WDTC1: variants seen among roughly 807,000 people sequenced by gnomAD.
The protein encoded by WDTC1 is WD and tetratricopeptide repeats 1.
In WDTC1, 12 loss-of-function variants were observed where a neutral mutation model predicts 76.0. The ratio of observed to expected loss-of-function variants is 0.16; its 90% confidence interval spans 0.10 to 0.26. The LOEUF (loss-of-function observed/expected upper bound fraction) is 0.26. Among genes scored for constraint, WDTC1 ranks in the 10% least tolerant of loss-of-function variants. The pLI, the probability that WDTC1 is intolerant of heterozygous loss-of-function variation, is 1.00. For synonymous variants in WDTC1, 326 were observed against 350.8 expected, an observed-to-expected ratio of 0.93 and a Z score of 0.79; for missense variants, 511 against 908.8, an observed-to-expected ratio of 0.56 and a Z score of 5.63.
At chr1:27,295,926 T>C (rs562312530) in intron 9 of WDTC1, among the ~76,000 whole-genome samples, 21 of 152,166 alleles carry the variant, frequency 1.4e-4, no homozygotes, top group Admixed American at 3.3e-4. Context: ...CCACCACACC[T>C]GGCTAGTTTT....
intron 3 of WDTC1, among the ~76,000 whole-genome samples, chr1:27,277,304 G>T (rs2147953947): frequency 6.6e-6 from 1 of 152,160 alleles, no homozygotes; most frequent in East Asian, 1.9e-4. Flanking sequence ...TAAGAGTTTT[G>T]TAGTTTTAGA....
intron 5 of WDTC1, among the ~76,000 whole-genome samples, chr1:27,285,000 A>G (rs928534149): frequency 4.7e-5 from 7 of 148,446 alleles, no homozygotes; most frequent in Non-Finnish European, 5.9e-5. Flanking sequence ...AAATAATTAA[A>G]TCATGTCTAT....
chr1:27,239,770 G>A (rs570577040), intron 1 of WDTC1, among the ~76,000 whole-genome samples: 39 of 142,898 alleles, frequency 2.7e-4, no homozygotes, highest in African/African-American at 9.5e-4. Flanking sequence ...AGCCAAGATC[G>A]TGTGCACTCC....
At chr1:27,247,306 C>T (rs2147909842) in intron 1 of WDTC1, among the ~76,000 whole-genome samples, 1 of 152,240 alleles carries the variant, frequency 6.6e-6, no homozygotes, top group South Asian at 2.1e-4. Context: ...ATCCACCTGC[C>T]TCAGCCTCCC....
intron 1 of WDTC1, among the ~76,000 whole-genome samples, chr1:27,252,811 G>GA (rs918047243): frequency 3.5e-4 from 50 of 142,660 alleles, no homozygotes; most frequent in Middle Eastern, 7.2e-3. Context: ...AAAAGAAAAA[G>GA]AAAAAAAAAA....
chr1:27,253,499 CTTCTTTCT>C (rs1296062211), intron 1 of WDTC1, among the ~76,000 whole-genome samples: 15 of 139,414 alleles, frequency 1.1e-4, no homozygotes, highest in Non-Finnish European at 2.1e-4. Context: ...CTTCTTTCTT[CTTCTTTCT>C]TTCTTTCTTT....
At chr1:27,264,062 G>A (rs192237110) in intron 3 of WDTC1, among the ~76,000 whole-genome samples, 2 of 152,028 alleles carry the variant, frequency 1.3e-5, no homozygotes, top group African/African-American at 4.8e-5. Context: ...GTCAAGGAGG[G>A]TGGATCACTT....
chr1:27,298,237 C>A, intron 12 of WDTC1, 126 bp downstream of exon 12: 1 of 1,193,810 alleles, frequency 8.4e-7, no homozygotes, highest in East Asian at 2.8e-5. Flanking sequence ...CATATTGCTG[C>A]CTCTTAGGGC....
At chr1:27,300,145 C>T (rs1337724621) in intron 12 of WDTC1, among the ~76,000 whole-genome samples, 1 of 152,186 alleles carries the variant, frequency 6.6e-6, no homozygotes, top group African/African-American at 2.4e-5. Context: ...GTGGCTGTTC[C>T]GAGGACTGGG....
intron 1 of WDTC1, among the ~76,000 whole-genome samples, chr1:27,244,159 A>T (rs888384641): frequency 5.9e-5 from 9 of 151,924 alleles, no homozygotes; most frequent in Non-Finnish European, 1.0e-4. Context: ...ACAAATAAAA[A>T]TTTTTTTAAA....
At position 27,305,782 on chromosome 1, in the gene WDTC1, G is replaced by C. The variant is rs1345083617; in HGVS notation, c.1837-404G>C. Among the ~76,000 whole-genome samples, 1 of 152,132 alleles carries C rather than the reference G, an allele frequency of 6.6e-6. No individual in the cohort carries two copies. Among genetic ancestry groups the C allele is most frequent in the Non-Finnish European group, 1.5e-5 (1 of 68,016 alleles). ...ACTTTTAAAGAGAGGACCCCTATAG[G>C]CTTCCCCATTGAGAGGAGAGGAGAA... On this transcript the variant is annotated intron_variant, in intron 15 of 15. Coordinates refer to ENST00000319394, the MANE Select transcript of WDTC1 (RefSeq NM_001276252.2). The surrounding 1 kb of genome is among the most constrained non-coding windows in gnomAD (Gnocchi z 4.6).
intron 3 of WDTC1, among the ~76,000 whole-genome samples, chr1:27,270,689 C>G (rs1254279776): frequency 6.6e-6 from 1 of 152,026 alleles, no homozygotes; most frequent in East Asian, 1.9e-4. Context: ...GAGCGACTCT[C>G]CCTCAAAAAA....
chr1:27,294,484 AC>A, intron 8 of WDTC1, 29 bp from the exon 9 acceptor site: 1 of 1,595,294 alleles, frequency 6.3e-7, no homozygotes, highest in Non-Finnish European at 8.6e-7. Flanking sequence ...AGGGACTGGG[AC>A]CCTAGTATGA....
chr1:27,247,462 ATCCTCT>A (rs1228178030), intron 1 of WDTC1, among the ~76,000 whole-genome samples: 1 of 151,632 alleles, frequency 6.6e-6, no homozygotes, highest in Non-Finnish European at 1.5e-5. Context: ...ATTTTTTCTG[ATCCTCT>A]TCCTCTTCCC....
Position 27,308,612 on chromosome 1 carries a change from C to T in WDTC1, c.*2229C>T, listed in dbSNP as rs1018680904. 3.3e-5 allele frequency: 5 copies of T among 152,236 alleles called. No individual in the cohort carries two copies. The Middle Eastern group carries it at 0.014, about 414-fold the overall frequency. The allele number at this position is 152,236 out of a possible 1,614,324, so 9.4% of individuals were successfully genotyped here. A position where few individuals can be genotyped will look rare whatever the true frequency, so the allele number is the denominator to read the frequency against. On this transcript the variant is annotated 3_prime_UTR_variant, in exon 16 of 16. Transcript: ENST00000319394. ...ATAAAAAAAATGAACAAAAGTTTTA[C>T]ACAATAATATTTACCCTTGCTACAT... is the stretch of plus-strand genomic sequence containing the variant.
chr1:27,273,651 G>A (rs1275853176), intron 3 of WDTC1, among the ~76,000 whole-genome samples: 1 of 152,184 alleles, frequency 6.6e-6, no homozygotes, highest in African/African-American at 2.4e-5. Context: ...TTAGACAACA[G>A]TATTGTATCA....
chr1:27,289,887 A>ACTC (rs1170171194), intron 6 of WDTC1, among the ~76,000 whole-genome samples: 2 of 152,190 alleles, frequency 1.3e-5, no homozygotes, highest in Non-Finnish European at 2.9e-5. Flanking sequence ...CGGCAGGCTG[A>ACTC]GGCAGGAGAA....
chr1:27,287,668 A>G lies in WDTC1; in HGVS notation c.292-6A>G, dbSNP rs1276466561. ...ACCCACCCCTTCCTCCATTTCTCCT[A>G]TATAGTTCCTGCCTCACGCTGGGGA... On this transcript the variant is annotated splice_region_variant and splice_polypyrimidine_tract_variant and intron_variant, in intron 5 of 15. Transcript: ENST00000319394. 5 of 1,611,886 alleles carry G rather than the reference A, an allele frequency of 3.1e-6. No homozygotes were observed. Among genetic ancestry groups the G allele is most frequent in the Non-Finnish European group, 3.4e-6 (4 of 1,179,222 alleles).
chr1:27,251,077 G>C (rs2012039331), intron 1 of WDTC1, among the ~76,000 whole-genome samples: 1 of 86,538 alleles, frequency 1.2e-5, no homozygotes, highest in Non-Finnish European at 2.2e-5. Flanking sequence ...TTTTAGTAGA[G>C]ACAGGGTTTC....
Sources: allele counts gnomAD v4.1 joint callset (sites outside exome capture counted in the v4.1 genomes callset), GRCh38; gene constraint gnomAD v4.1.1; non-coding constraint Gnocchi (gnomAD v3.1); transcripts MANE v1.5; gene names NCBI Gene and HGNC (gene_info 2026-07-23, HGNC 2026-07-21).